Variants in FKBP10 observed in about 807,000 individuals in gnomAD.
FKBP10 encodes FKBP prolyl isomerase 10, also known as peptidyl-prolyl cis-trans isomerase FKBP10.
In FKBP10, 34 loss-of-function variants were observed where a neutral mutation model predicts 53.7. The ratio of observed to expected loss-of-function variants is 0.63; its 90% CI spans 0.48 to 0.84. The LOEUF is 0.84. Ranked by LOEUF, FKBP10 falls within the 40% of genes least tolerant of loss-of-function variation. The probability of loss-of-function intolerance (pLI) is 0.00; values close to 1 mark genes in which losing one functional copy is unlikely to be tolerated. For missense variants in FKBP10, 748 were observed against 797.8 expected (o/e 0.94, Z 0.75); for synonymous variants, 324 against 335.7 (o/e 0.97, Z 0.38).
chr17:41,813,049 C>G lies in FKBP10; in HGVS notation c.15C>G (p.Gly5=). Residue 5 remains glycine, a synonymous_variant, in exon 1 of 10, where the codon GGC becomes GGG. Transcript: ENST00000321562. The part of the protein sequence containing the change: MFPA[G]PPSHSLLRLP... ...CTCCAGGCACCATGTTCCCCGCGGG[C>G]CCCCCCAGCCACAGCCTCCTCCGGC... 1.2e-6 allele frequency: 2 copies of G among 1,609,286 alleles called. No individual in the cohort carries two copies. Among genetic ancestry groups the G allele is most frequent in the East Asian group, 2.2e-5 (1 of 44,818 alleles).
At chr17:41,813,789 A>G (rs2047780657) in intron 1 of FKBP10, among the ~76,000 whole-genome samples, 1 of 152,004 alleles carries the variant, frequency 6.6e-6, no homozygotes, top group African/African-American at 2.4e-5. Context: ...GGCAGGGAAA[A>G]AGGCTGGTGG....
rs782156834 is a variant in FKBP10 at position 41,817,200 on chromosome 17, C to G, written c.388C>G (p.Leu130Val). 1.9e-6 allele frequency: 3 copies of G among 1,612,916 alleles called. No homozygotes were observed. The highest frequency in any genetic ancestry group is 1.7e-6 in the Non-Finnish European group (2 of 1,180,036). ...CCACCTGGGCTATGGGAGCATCGGC[C>G]TGGGTGAGAAGGGCTGGGGCACAGG... The part of the protein sequence containing the change: ...PPHLGYGSIG[L>V]AGLIPPDATL... Residue 130 changes from leucine to valine, a missense_variant, in exon 2 of 10, where the codon CTG becomes GTG. Transcript: ENST00000321562.
chr17:41,822,127 G>A (rs11652305), intron 9 of FKBP10, 96 bp from the exon 10 acceptor site: 3 of 1,253,638 alleles, frequency 2.4e-6, no homozygotes, highest in Non-Finnish European at 3.4e-6. Context: ...GAAAAAAGAA[G>A]AAAAAGAAAG....
rs879997050 is a variant in FKBP10, at chr17:41,818,144, G to A, written c.447G>A (p.Val149=). 1 of 1,613,840 alleles carries A rather than the reference G, an allele frequency of 6.2e-7. No homozygotes were observed. The highest frequency in any genetic ancestry group is 1.7e-5 in the Admixed American group (1 of 60,016). ...TLYFDVVLLD[V]WNKEDTVQVS... ...ACTTCGATGTGGTTCTGCTGGATGT[G>A]TGGAACAAGGAAGACACCGTGCAGG... The change falls in exon 3 of 10, where the codon GTG becomes GTA. Residue 149 remains valine, a synonymous_variant. Coordinates refer to ENST00000321562, the MANE Select transcript of FKBP10 (RefSeq NM_021939.4).
Position 41,819,616 on chromosome 17 carries a change from T to A in FKBP10, c.1004T>A (p.Met335Lys). The change falls in exon 6 of 10, where the codon ATG becomes AAG. Residue 335 changes from methionine (M) to lysine (K), a missense_variant. Met to Lys is a moderately conservative substitution (Grantham distance 95). Coordinates refer to ENST00000321562, the MANE Select transcript of FKBP10 (RefSeq NM_021939.4). ...GACCAGGGGCTGCAGGGTGCCTGCATGGGGGAACGCCGGAGAATTACCATC... is the reference window on the plus strand; with the variant it reads ...GACCAGGGGCTGCAGGGTGCCTGCAAGGGGGAACGCCGGAGAATTACCATC... ...GMDQGLQGAC[M>K]GERRRITIPP... is the part of the protein sequence containing the mutation. The A allele has an allele frequency of 1.9e-6, 3 of 1,613,546 alleles. No individual in the cohort carries two copies. Among genetic ancestry groups the A allele is most frequent in the Non-Finnish European group, 2.5e-6 (3 of 1,179,856 alleles).
chr17:41,820,306 C>G lies in FKBP10; in HGVS notation c.1101C>G (p.Asn367Lys), dbSNP rs782453718. Residue 367 changes from asparagine to lysine, a missense_variant, in exon 7 of 10, where the codon AAC becomes AAG. Physicochemically the swap from Asn to Lys is moderately conservative, Grantham distance 94. Coordinates refer to ENST00000321562, the MANE Select transcript of FKBP10 (RefSeq NM_021939.4). ...CTGGCTCTGCCGTGCTAATCTTCAA[C>G]GTCCATGTCATTGACTTCCACAACC... ...KIPGSAVLIF[N>K]VHVIDFHNPA... 2 of 1,614,080 alleles carry G rather than the reference C, an allele frequency of 1.2e-6. No individual in the cohort carries two copies. Among genetic ancestry groups the G allele is most frequent in the Non-Finnish European group, 1.7e-6 (2 of 1,180,034 alleles).
At position 41,819,657 on chromosome 17, in the gene FKBP10, T is replaced by C. The variant is rs1555616689; in HGVS notation, c.1045T>C (p.Tyr349His). 2 of 1,607,352 alleles carry C rather than the reference T, an allele frequency of 1.2e-6. No individual in the cohort carries two copies. The highest frequency in any genetic ancestry group is 2.2e-5 in the South Asian group (2 of 90,078). Reference sequence around the variant, plus strand: ...AATTACCATCCCCCCGCACCTCGCCTATGGGGAGAATGGAACTGGTAGGGG... The same window carrying C: ...AATTACCATCCCCCCGCACCTCGCCCATGGGGAGAATGGAACTGGTAGGGG... ...RRITIPPHLA[Y>H]GENGTGDKIP... The change falls in exon 6 of 10, where the codon TAT becomes CAT. Residue 349 changes from tyrosine to histidine, a missense_variant. Coordinates refer to ENST00000321562, the MANE Select transcript of FKBP10 (RefSeq NM_021939.4).
At chr17:41,817,002 T>A (rs1597905309) in intron 1 of FKBP10, 56 bp from the exon 2 acceptor site, 2 of 1,610,906 alleles carry the variant, frequency 1.2e-6, no homozygotes, top group East Asian at 4.5e-5. Flanking sequence ...TGTGCCACCA[T>A]GGGCAGTGTG....
intron 8 of FKBP10, 43 bp from the exon 9 acceptor site, chr17:41,821,611 G>A (rs1174426738): frequency 9.3e-6 from 15 of 1,610,758 alleles, no homozygotes; most frequent in African/African-American, 1.3e-5. Flanking sequence ...CCCAGACCCC[G>A]GCCTGACTAG....
chr17:41,819,869 C>T (rs1555616727), intron 6 of FKBP10, 194 bp downstream of exon 6: 20 of 1,541,558 alleles, frequency 1.3e-5, no homozygotes. Context: ...AGGGCAGCGC[C>T]CCACTTCGCC....
chr17:41,819,430 G>A (rs1019298175), intron 5 of FKBP10, 31 bp downstream of exon 5: 2 of 1,613,546 alleles, frequency 1.2e-6, no homozygotes, highest in Non-Finnish European at 1.7e-6. Context: ...GGAGGGCGGG[G>A]GCTGGGTGAA....
At chr17:41,821,609 C>T in intron 8 of FKBP10, 45 bp from the exon 9 acceptor site, 1 of 1,608,500 alleles carries the variant, frequency 6.2e-7, no homozygotes. Flanking sequence ...GGCCCAGACC[C>T]CGGCCTGACT....
chr17:41,821,955 T>C (rs2047897711), intron 9 of FKBP10, 138 bp downstream of exon 9: 2 of 1,090,672 alleles, frequency 1.8e-6, no homozygotes, highest in South Asian at 2.7e-5. Flanking sequence ...CGCCTCAGGC[T>C]CCTTGTCCCT....
At chr17:41,821,936 TGA>T in intron 9 of FKBP10, 119 bp downstream of exon 9, 1 of 1,264,518 alleles carries the variant, frequency 7.9e-7, no homozygotes, top group Non-Finnish European at 1.1e-6. Context: ...CTGCCTGCGC[TGA>T]GTCCCACGCC....
In FKBP10 at chr17:41,813,242, A is replaced by C; in HGVS notation, c.208A>C (p.Asn70His). 6.2e-7 allele frequency: 1 copy of C among 1,613,736 alleles called. No individual in the cohort carries two copies. The highest frequency in any genetic ancestry group is 8.5e-7 in the Non-Finnish European group (1 of 1,179,962). ...QMGDFVRYHY[N>H]GTFEDGKKFD... ...GGGGGATTTTGTGCGCTACCACTAC[A>C]ACGGCACTTTTGAAGATGGCAAGAA... Residue 70 changes from asparagine (N) to histidine (H), a missense_variant, in exon 1 of 10, where the codon AAC (asparagine) becomes CAC (histidine). Coordinates refer to ENST00000321562, the MANE Select transcript of FKBP10 (RefSeq NM_021939.4).
At chr17:41,815,551 C>T (rs553752710) in intron 1 of FKBP10, among the ~76,000 whole-genome samples, 1 of 151,136 alleles carries the variant, frequency 6.6e-6, no homozygotes, top group Admixed American at 6.6e-5. Context: ...CTGCAAGCTC[C>T]GCCTCCTGGG....
At chr17:41,820,143 C>A in intron 6 of FKBP10, 126 bp from the exon 7 acceptor site, 1 of 1,274,584 alleles carries the variant, frequency 7.8e-7, no homozygotes, top group Non-Finnish European at 1.1e-6. Context: ...ACAAACATCC[C>A]GTCCCATCCT....
At chr17:41,815,225 G>A (rs112063107) in intron 1 of FKBP10, among the ~76,000 whole-genome samples, 35 of 152,264 alleles carry the variant, frequency 2.3e-4, no homozygotes, top group African/African-American at 7.5e-4. Context: ...GTCTGTCTAC[G>A]TGTCACACAG....
chr17:41,818,727 G>A (rs2047848434), intron 4 of FKBP10, 200 bp downstream of exon 4: 2 of 650,106 alleles, frequency 3.1e-6, no homozygotes, highest in Non-Finnish European at 5.2e-6. Context: ...CAGCACTTTG[G>A]GAAGCCAAGG....
Sources: allele counts gnomAD v4.1 joint callset (sites outside exome capture counted in the v4.1 genomes callset), GRCh38; gene constraint gnomAD v4.1.1; transcripts MANE v1.5; gene names NCBI Gene and HGNC (gene_info 2026-07-23, HGNC 2026-07-21).